The following MAGI1 variants were observed in gnomAD, a reference collection of about 807,000 sequenced individuals.
The protein encoded by MAGI1 is membrane-associated guanylate kinase, WW and PDZ domain-containing protein 1.
MAGI1 carries 58 observed loss-of-function variants against 139.9 expected under a neutral mutation model. The ratio of observed to expected loss-of-function variants is 0.41; its 90% CI spans 0.34 to 0.52. The LOEUF (loss-of-function observed/expected upper bound fraction) is 0.52. Among genes scored for constraint, MAGI1 ranks in the 20% least tolerant of loss-of-function variants. The probability of loss-of-function intolerance (pLI) is 0.12; values close to 1 mark genes in which losing one functional copy is unlikely to be tolerated. For missense variants in MAGI1, 1,874 were observed against 1,901.6 expected (o/e 0.99, Z 0.27); for synonymous variants, 812 against 737.9 (o/e 1.10, Z -1.63).
chr3:65,933,424 C>T (rs1034884900), intron 1 of MAGI1, among the ~76,000 whole-genome samples: 3 of 152,136 alleles, frequency 2.0e-5, no homozygotes, highest in Non-Finnish European at 4.4e-5. Flanking sequence ...CTACGTGGAC[C>T]TTTCTCATTG....
chr3:65,626,970 C>T (rs2084002046), intron 1 of MAGI1, among the ~76,000 whole-genome samples: 1 of 152,204 alleles, frequency 6.6e-6, no homozygotes, highest in Admixed American at 6.5e-5. Context: ...AGCATCTTCA[C>T]TTTCTTTGAA....
intron 2 of MAGI1, among the ~76,000 whole-genome samples, chr3:65,610,348 T>G (rs2082985642): frequency 6.6e-6 from 1 of 152,110 alleles, no homozygotes; most frequent in Admixed American, 6.5e-5. Flanking sequence ...GCCATCTAGA[T>G]TCCCAGAATT....
chr3:65,891,457 G>C (rs1388792065), intron 1 of MAGI1, among the ~76,000 whole-genome samples: 1 of 151,904 alleles, frequency 6.6e-6, no homozygotes, highest in Non-Finnish European at 1.5e-5. Flanking sequence ...AAAGCACAAC[G>C]GGAAGAGAAG....
chr3:65,685,462 A>G (rs1226631853), intron 1 of MAGI1, among the ~76,000 whole-genome samples: 1 of 152,214 alleles, frequency 6.6e-6, no homozygotes, highest in East Asian at 1.9e-4. Context: ...TCGTTTTCAT[A>G]TTCCAGTGTT....
chr3:65,418,590 A>C (rs1368483961), intron 12 of MAGI1, among the ~76,000 whole-genome samples: 1 of 152,152 alleles, frequency 6.6e-6, no homozygotes, highest in Non-Finnish European at 1.5e-5. Flanking sequence ...TCCTGCAAAG[A>C]GGGAGTGCAA....
intron 6 of MAGI1, among the ~76,000 whole-genome samples, chr3:65,449,902 AT>A (rs1559563344): frequency 6.6e-6 from 1 of 152,206 alleles, no homozygotes; most frequent in Non-Finnish European, 1.5e-5. Flanking sequence ...ACCTAATCAT[AT>A]TTTTGGGGGC....
At chr3:65,459,670 C>T (rs1575828743) in intron 5 of MAGI1, among the ~76,000 whole-genome samples, 1 of 152,168 alleles carries the variant, frequency 6.6e-6, no homozygotes, top group East Asian at 1.9e-4. Context: ...ACGGGAACAG[C>T]TCAGCACTTT....
In MAGI1 at chr3:65,417,421, C is replaced by T. The variant is rs1946307525; in HGVS notation, c.2167+12099G>A. Among the ~76,000 whole-genome samples the T allele has an allele frequency of 3.3e-5, 5 of 151,910 alleles. No homozygotes were observed. The South Asian group carries it at 1.0e-3, about 32-fold the overall frequency. On this transcript the variant is annotated intron_variant, in intron 12 of 22. Transcript: ENST00000402939. ...AAATGGGAAACATTATCCAAAGTTG[C>T]TGACAACTAATCAACTAATTTTCAC...
chr3:65,758,309 C>T (rs957754826), intron 1 of MAGI1, among the ~76,000 whole-genome samples: 1 of 152,104 alleles, frequency 6.6e-6, no homozygotes, highest in African/African-American at 2.4e-5. Flanking sequence ...AAAGGTCATT[C>T]GTCCTTTTCA....
At chr3:65,813,668 T>G (rs1446896253) in intron 1 of MAGI1, among the ~76,000 whole-genome samples, 1 of 152,178 alleles carries the variant, frequency 6.6e-6, no homozygotes, top group African/African-American at 2.4e-5. Context: ...CCATTCCACT[T>G]CTAGAAATTT....
At chr3:65,828,494 G>C (rs1018816461) in intron 1 of MAGI1, among the ~76,000 whole-genome samples, 1 of 152,162 alleles carries the variant, frequency 6.6e-6, no homozygotes, top group Non-Finnish European at 1.5e-5. Context: ...TAAGATGGGA[G>C]ACTGAAAGAA....
chr3:65,703,009 G>C (rs2089719922), intron 1 of MAGI1, among the ~76,000 whole-genome samples: 1 of 151,964 alleles, frequency 6.6e-6, no homozygotes, highest in Admixed American at 6.6e-5. Flanking sequence ...CTTGCAAGCA[G>C]AATCTGGAGC....
intron 1 of MAGI1, among the ~76,000 whole-genome samples, chr3:66,004,200 C>A (rs1180966956): frequency 6.6e-6 from 1 of 152,136 alleles, no homozygotes; most frequent in Non-Finnish European, 1.5e-5. Context: ...AACTTTGTGG[C>A]ATAAAACAAC....
At chr3:65,993,924 A>T (rs1434148552) in intron 1 of MAGI1, among the ~76,000 whole-genome samples, 1 of 152,158 alleles carries the variant, frequency 6.6e-6, no homozygotes, top group African/African-American at 2.4e-5. Context: ...CCTGCCCTCA[A>T]GAAGTTTACC....
intron 1 of MAGI1, among the ~76,000 whole-genome samples, chr3:65,638,246 T>C (rs1324089250): frequency 6.6e-6 from 1 of 152,196 alleles, no homozygotes; most frequent in Admixed American, 6.6e-5. Context: ...TAATGCTCAC[T>C]AATGTGAGCT....
intron 3 of MAGI1, among the ~76,000 whole-genome samples, chr3:65,483,769 G>A (rs575648448): frequency 1.1e-4 from 16 of 152,284 alleles, no homozygotes; most frequent in African/African-American, 3.4e-4. Context: ...AAAGCGGAGG[G>A]CAAAGGAGGA....
At chr3:65,436,490 A>C (rs1947864143) in intron 10 of MAGI1, among the ~76,000 whole-genome samples, 1 of 152,182 alleles carries the variant, frequency 6.6e-6, no homozygotes, top group Non-Finnish European at 1.5e-5. Flanking sequence ...GTAAACAAAC[A>C]AGACCTATTG....
intron 1 of MAGI1, among the ~76,000 whole-genome samples, chr3:65,882,720 C>T (rs2060380225): frequency 6.6e-6 from 1 of 152,064 alleles, no homozygotes. Flanking sequence ...ATGGCTTGAG[C>T]TCAGGTGATC....
At chr3:65,590,335 A>C (rs1162688060) in intron 2 of MAGI1, among the ~76,000 whole-genome samples, 3 of 152,214 alleles carry the variant, frequency 2.0e-5, no homozygotes, top group African/African-American at 7.2e-5. Context: ...TATCGGGCTC[A>C]TAAACATATT....
Sources: allele counts gnomAD v4.1 joint callset (sites outside exome capture counted in the v4.1 genomes callset), GRCh38; gene constraint gnomAD v4.1.1; transcripts MANE v1.5; gene names NCBI Gene and HGNC (gene_info 2026-07-23, HGNC 2026-07-21).